The following NOL4L variants were observed in gnomAD, a reference collection of about 807,000 sequenced individuals.
The protein encoded by NOL4L is nucleolar protein 4-like.
NOL4L carries 7 observed loss-of-function variants against 64.5 expected under a neutral mutation model. The ratio of observed to expected loss-of-function variants is 0.11; its 90% confidence interval spans 0.06 to 0.20. NOL4L has a LOEUF of 0.20. Ranked by LOEUF, NOL4L falls within the 10% of genes least tolerant of loss-of-function variation. The pLI is 1.00. For missense variants in NOL4L, 680 were observed against 967.1 expected (o/e 0.70, Z 3.94); for synonymous variants, 413 against 401.0 (o/e 1.03, Z -0.36).
rs2016328551 is a variant in NOL4L at position 32,488,883 on chromosome 20, CTTTCTTTCTTTCCTCT to C, written c.700-14157_700-14142del. Among the ~76,000 whole-genome samples, 12 of 107,740 alleles carry C rather than the reference CTTTCTTTCTTTCCTCT, an allele frequency of 1.1e-4. No homozygotes were observed. In the South Asian group the frequency reaches 3.7e-3, roughly 33 times the overall value. The allele number at this position is 107,740 out of a possible 152,430, so 70.7% of individuals were successfully genotyped here. ...TCTTTCTTTCTTTCTTTCTTTCTTTCTTTCTTTCTTTCCTCTCTCTTTCTTTCTTTCTGACTAACCT... is the reference window on the plus strand; with the variant it reads ...TCTTTCTTTCTTTCTTTCTTTCTTTCCTCTTTCTTTCTTTCTGACTAACCT... On this transcript the variant is annotated intron_variant, in intron 4 of 10. Transcript: ENST00000621426.
intron 1 of NOL4L, among the ~76,000 whole-genome samples, chr20:32,537,330 A>G (rs1432008468): frequency 6.6e-6 from 1 of 152,154 alleles, no homozygotes; most frequent in Non-Finnish European, 1.5e-5. Flanking sequence ...CACCGCGTCC[A>G]CATCCACATC....
intron 4 of NOL4L, among the ~76,000 whole-genome samples, chr20:32,484,525 G>C (rs1438508723): frequency 6.6e-6 from 1 of 151,790 alleles, no homozygotes; most frequent in Non-Finnish European, 1.5e-5. Flanking sequence ...GTGTCCGGGA[G>C]GCGCTCACCT....
intron 10 of NOL4L, chr20:32,450,217 G>A (rs1269320374): frequency 6.6e-6 from 1 of 152,300 alleles, no homozygotes; most frequent in Admixed American, 6.5e-5. Flanking sequence ...GGAGCTCTGA[G>A]CCATTAATAC....
chr20:32,539,306 G>A (rs1324877089), intron 1 of NOL4L, among the ~76,000 whole-genome samples: 1 of 152,234 alleles, frequency 6.6e-6, no homozygotes, highest in East Asian at 1.9e-4. Flanking sequence ...CAAGCAGCTA[G>A]TGGAACTGGG....
chr20:32,461,077 G>A lies in NOL4L; in HGVS notation c.842-4682C>T, dbSNP rs555942295. ...AGGGCTGAAGCCTCATGAACCAACA[G>A]GGGCAGAGGTGCTGCTCGGGGTGGG... On this transcript the variant is annotated intron_variant, in intron 5 of 10. Transcript: ENST00000621426. Among the ~76,000 whole-genome samples the A allele has an allele frequency of 8.5e-5, 13 of 152,354 alleles. No homozygotes were observed. The South Asian group carries it at 2.7e-3, about 32-fold the overall frequency.
In NOL4L at chr20:32,474,612, C is replaced by T; in HGVS notation, c.830G>A (p.Ser277Asn). ...CAAGGGGCACTCACCGTCCTCTTGA[C>T]TGTGGAGGTTCTGCGGGCTCCGCAT... is the stretch of plus-strand genomic sequence containing the variant. ...ERMRSPQNLH[S>N]QEDDDSSSES... Residue 277 changes from serine (S) to asparagine (N), a missense_variant, in exon 5 of 11, where the codon AGT (serine) becomes AAT (asparagine). Physicochemically the swap from Ser to Asn is conservative, Grantham distance 46. Around this residue, in one of 4 missense-constraint regions of NOL4L, gnomAD observed 254 missense variants for 238.7 expected, o/e 1.06. Transcript: ENST00000621426. 1.2e-6 allele frequency: 2 copies of T among 1,612,460 alleles called. No homozygotes were observed. The highest frequency in any genetic ancestry group is 1.7e-6 in the Non-Finnish European group (2 of 1,179,450).
rs1470723749 is a variant in NOL4L, at chr20:32,444,608, C to T, written c.*2988G>A. On this transcript the variant is annotated 3_prime_UTR_variant, in exon 11 of 11. Transcript: ENST00000621426. ...ATGAATTTCAGATGGGTTACACACACTATCACTTGTCTACCTGATGATCCA... is the reference window on the plus strand; with the variant it reads ...ATGAATTTCAGATGGGTTACACACATTATCACTTGTCTACCTGATGATCCA... 6.6e-6 allele frequency: 1 copy of T among 152,246 alleles called. No individual in the cohort carries two copies. The highest frequency in any genetic ancestry group is 1.5e-5 in the Non-Finnish European group (1 of 68,048). The allele number at this position is 152,246 out of a possible 1,614,324, so 9.4% of individuals were successfully genotyped here. A position where few individuals can be genotyped will look rare whatever the true frequency, so the allele number is the denominator to read the frequency against.
chr20:32,447,779 G>A lies in NOL4L; in HGVS notation c.1860C>T (p.Thr620=), dbSNP rs771514773. ...GGGTGGGCGTGGGGGTGGTGGAGGT[G>A]GTAGAGGCCCCGCCTTTCATGCTGA... ...TDLSMKGGAS[T]TSTTPTPTPS... Residue 620 remains threonine (T), a synonymous_variant, in exon 11 of 11, where the codon ACC becomes ACT. Transcript: ENST00000621426. 3 of 1,581,226 alleles carry A rather than the reference G, an allele frequency of 1.9e-6. No homozygotes were observed. In the East Asian group the frequency reaches 6.8e-5, roughly 36 times the overall value.
At chr20:32,507,119 T>C (rs189216543) in intron 4 of NOL4L, among the ~76,000 whole-genome samples, 1 of 152,316 alleles carries the variant, frequency 6.6e-6, no homozygotes, top group East Asian at 1.9e-4. Flanking sequence ...CCACAGCTAA[T>C]TTCTACAAGG....
intron 1 of NOL4L, among the ~76,000 whole-genome samples, chr20:32,562,786 T>C (rs1840870398): frequency 6.6e-6 from 1 of 151,364 alleles, no homozygotes; most frequent in Admixed American, 6.6e-5. Context: ...CTCCCCATTC[T>C]GCTCCTGCAG....
At chr20:32,448,334 G>T (rs2012513464) in intron 10 of NOL4L, among the ~76,000 whole-genome samples, 1 of 152,042 alleles carries the variant, frequency 6.6e-6, no homozygotes, top group African/African-American at 2.4e-5. Flanking sequence ...AGCCCAGGAG[G>T]AGCTGAGAGT....
chr20:32,470,842 C>T (rs758296043), intron 5 of NOL4L, among the ~76,000 whole-genome samples: 1 of 151,756 alleles, frequency 6.6e-6, no homozygotes, highest in Non-Finnish European at 1.5e-5. Flanking sequence ...GACCCTCACA[C>T]ATGGCCCCTG....
At chr20:32,515,564 G>A (rs1395488739) in intron 3 of NOL4L, among the ~76,000 whole-genome samples, 4 of 151,870 alleles carry the variant, frequency 2.6e-5, no homozygotes, top group Non-Finnish European at 5.9e-5. Flanking sequence ...AAGAGACGGA[G>A]CAGGGGCCAG....
At chr20:32,488,876 TTTCTTTCTTTC>T (rs1195150276) in intron 4 of NOL4L, among the ~76,000 whole-genome samples, 14 of 100,940 alleles carry the variant, frequency 1.4e-4, no homozygotes, top group Non-Finnish European at 3.6e-5. Flanking sequence ...TCTTTCTTTC[TTTCTTTCTTTC>T]TTTCTTTCCT....
At chr20:32,448,591 T>C (rs1174873966) in intron 10 of NOL4L, among the ~76,000 whole-genome samples, 1 of 152,202 alleles carries the variant, frequency 6.6e-6, no homozygotes, top group Non-Finnish European at 1.5e-5. Context: ...GGAGGAGTCC[T>C]GTGCCTGAGT....
At chr20:32,483,313 C>CG (rs1324421941) in intron 4 of NOL4L, 17 of 962,514 alleles carry the variant, frequency 1.8e-5, no homozygotes, top group Non-Finnish European at 2.1e-5. Context: ...GGCGGCGGCC[C>CG]GGGCCCCGGA....
At chr20:32,483,221 C>T (rs2015855754) in intron 4 of NOL4L, 1 of 353,156 alleles carries the variant, frequency 2.8e-6, no homozygotes, top group Non-Finnish European at 4.0e-6. Context: ...GCTCCCCCTG[C>T]GCCCCCCTCC....
chr20:32,513,010 G>C (rs1157996427), intron 3 of NOL4L, among the ~76,000 whole-genome samples: 13 of 152,206 alleles, frequency 8.5e-5, no homozygotes, highest in Non-Finnish European at 1.3e-4. Flanking sequence ...TGTAGGAATT[G>C]TTTCAATTAC....
chr20:32,569,146 A>T (rs981068521), intron 1 of NOL4L, among the ~76,000 whole-genome samples: 24 of 152,182 alleles, frequency 1.6e-4, no homozygotes, highest in African/African-American at 5.8e-4. Flanking sequence ...CTTGAGAGTG[A>T]TAGGAACCAA....
Sources: allele counts gnomAD v4.1 joint callset (sites outside exome capture counted in the v4.1 genomes callset), GRCh38; gene constraint gnomAD v4.1.1; regional missense constraint gnomAD v4.1.1; transcripts MANE v1.5; gene names NCBI Gene and HGNC (gene_info 2026-07-23, HGNC 2026-07-21).